NDUFS7: variants seen among roughly 807,000 people sequenced by gnomAD.
NDUFS7 encodes NADH dehydrogenase [ubiquinone] iron-sulfur protein 7, mitochondrial.
In NDUFS7, 11 loss-of-function variants were observed where a neutral mutation model predicts 31.1. The observed-to-expected ratio is 0.35, with a 90% CI of 0.22 to 0.59. The LOEUF (loss-of-function observed/expected upper bound fraction) is 0.59, where lower values mean the gene tolerates loss of function less well. Ranked by LOEUF, NDUFS7 falls within the 20% of genes least tolerant of loss-of-function variation. The pLI, the probability that NDUFS7 is intolerant of heterozygous loss-of-function variation, is 0.79. For missense variants in NDUFS7, 263 were observed against 324.2 expected, an observed-to-expected ratio of 0.81 and a Z score of 1.45; for synonymous variants, 136 against 127.9, an observed-to-expected ratio of 1.06 and a Z score of -0.43.
At position 1,388,853 on chromosome 19, in the gene NDUFS7, A is replaced by G. The variant is rs1265559209; in HGVS notation, c.143A>G (p.Lys48Arg). The G allele has an allele frequency of 6.2e-7, 1 of 1,604,358 alleles. No individual in the cohort carries two copies. The highest frequency in any genetic ancestry group is 8.5e-7 in the Non-Finnish European group (1 of 1,175,978). ...GCCAGCACCCAGCCTGCCCTGCCAA[A>G]GGCCAGAGCCGTGGCTCCCAAACCC... ...GPSSTQPALP[K>R]ARAVAPKPSS... The change falls in exon 4 of 8, where the codon AAG (lysine) becomes AGG (arginine). Residue 48 changes from lysine (K) to arginine (R), a missense_variant. Transcript: ENST00000233627.
rs559689595 is a variant in NDUFS7 at position 1,391,282 on chromosome 19, C to T, written c.455+117C>T. 1.4e-4 allele frequency: 180 copies of T among 1,313,160 alleles called. 1 individual carries two copies. In the South Asian group the frequency reaches 1.8e-3, roughly 13 times the overall value. 81.3% of individuals were successfully genotyped at this position (1,313,160 alleles called of 1,614,324 possible). ...CATTCAGTGAAATCCCACGTGGTCC[C>T]GGCGCTGCCCTTCAGCCGTCTCGGT... On this transcript the variant is annotated intron_variant, in intron 6 of 7. Transcript: ENST00000233627.
chr19:1,387,910 G>T, intron 2 of NDUFS7, 63 bp downstream of exon 2: 2 of 440,138 alleles, frequency 4.5e-6, no homozygotes, highest in East Asian at 6.2e-5. Context: ...GACGAACGGG[G>T]CGGGGGGGGT....
chr19:1,388,450 G>A, intron 2 of NDUFS7, 75 bp from the exon 3 acceptor site: 1 of 1,367,734 alleles, frequency 7.3e-7, no homozygotes, highest in African/African-American at 1.4e-5. Context: ...GGGAGAGGCA[G>A]GACAACAGTG....
At position 1,394,386 on chromosome 19, in the gene NDUFS7, C is replaced by T. The variant is rs112451281; in HGVS notation, c.545-1005C>T. 438 of 1,289,216 alleles carry T rather than the reference C, an allele frequency of 3.4e-4. 2 individuals carry two copies. In the African/African-American group the frequency reaches 5.1e-3, roughly 15 times the overall value. The allele number at this position is 1,289,216 out of a possible 1,614,324, so 79.9% of individuals were successfully genotyped here. A position where few individuals can be genotyped will look rare whatever the true frequency, so the allele number is the denominator to read the frequency against. Reference sequence around the variant, plus strand: ...CAGTGCAGACCAATGGGGCAAGTTGCGAGTGTGGACTGTACTCCTCCCTCC... The same window carrying T: ...CAGTGCAGACCAATGGGGCAAGTTGTGAGTGTGGACTGTACTCCTCCCTCC... On this transcript the variant is annotated intron_variant, in intron 7 of 7. Transcript: ENST00000233627.
chr19:1,390,839 G>T (rs755957922), intron 4 of NDUFS7, 32 bp from the exon 5 acceptor site: 126 of 1,600,986 alleles, frequency 7.9e-5, no homozygotes, highest in Admixed American at 8.4e-5. Context: ...GGGCTCCGGG[G>T]GTGGCGTCTG....
chr19:1,392,265 A>G (rs78825486), intron 6 of NDUFS7: 6,909 of 152,186 alleles, frequency 0.045, 433 homozygotes, highest in East Asian at 0.25. Context: ...CGGTCCCCCA[A>G]CCTTAGCCTC....
At chr19:1,385,920 A>G (rs2082504729) in intron 1 of NDUFS7, among the ~76,000 whole-genome samples, 2 of 152,182 alleles carry the variant, frequency 1.3e-5, no homozygotes, top group African/African-American at 4.8e-5. Context: ...GAGCTCATCC[A>G]AAGTCCTGCA....
At chr19:1,388,230 T>C (rs1457832350) in intron 2 of NDUFS7, 6 of 587,402 alleles carry the variant, frequency 1.0e-5, no homozygotes, top group Non-Finnish European at 1.2e-5. Context: ...TGGTCATGTG[T>C]GGAGGGCCTG....
At position 1,394,006 on chromosome 19, in the gene NDUFS7, G is replaced by A. The variant is rs765545646; in HGVS notation, c.544+676G>A. ...GGCGTTCACCTTGACAGTGGTCCAC[G>A]GTAGGCAGGCTTGGAGGTGGCGCTC... On this transcript the variant is annotated intron_variant, in intron 7 of 7. Coordinates refer to ENST00000233627, the MANE Select transcript of NDUFS7 (RefSeq NM_024407.5). The A allele has an allele frequency of 3.9e-4, 99 of 253,590 alleles. 2 individuals carry two copies. Among genetic ancestry groups the A allele is most frequent in the Non-Finnish European group, 6.2e-4 (80 of 128,182 alleles). The allele number at this position is 253,590 out of a possible 1,614,324, so 15.7% of individuals were successfully genotyped here. A position where few individuals can be genotyped will look rare whatever the true frequency, so the allele number is the denominator to read the frequency against.
chr19:1,388,411 A>C, intron 2 of NDUFS7, 114 bp from the exon 3 acceptor site: 1 of 977,808 alleles, frequency 1.0e-6, no homozygotes. Flanking sequence ...GTTGACAGGC[A>C]GAGGTGAGAA....
At chr19:1,389,480 T>G (rs1320258330) in intron 4 of NDUFS7, 4 of 457,546 alleles carry the variant, frequency 8.7e-6, no homozygotes, top group South Asian at 6.2e-5. Flanking sequence ...TGGTGGCCTG[T>G]GGTTCCATCT....
intron 7 of NDUFS7, chr19:1,395,091 G>A (rs753536546): frequency 1.9e-4 from 248 of 1,307,664 alleles, no homozygotes; most frequent in Non-Finnish European, 2.4e-4. Flanking sequence ...AGTCCTGAGG[G>A]CTGGGGCCGG....
chr19:1,383,967 G>C, intron 1 of NDUFS7, 25 bp downstream of exon 1: 1 of 1,558,706 alleles, frequency 6.4e-7, no homozygotes, highest in Non-Finnish European at 8.7e-7. Context: ...GGCGGCGGGT[G>C]TGGGGCCGCG....
intron 4 of NDUFS7, 36 bp from the exon 5 acceptor site, chr19:1,390,835 C>CG: frequency 6.3e-7 from 1 of 1,598,552 alleles, no homozygotes; most frequent in Non-Finnish European, 8.5e-7. Flanking sequence ...CGCGGGGCTC[C>CG]GGGGGTGGCG....
At chr19:1,386,763 C>G (rs528346649) in intron 1 of NDUFS7, 1 of 152,418 alleles carries the variant, frequency 6.6e-6, no homozygotes, top group Non-Finnish European at 1.5e-5. Context: ...TCCTGAAGTG[C>G]TGGAATTACA....
intron 1 of NDUFS7, among the ~76,000 whole-genome samples, chr19:1,384,710 G>A (rs535523832): frequency 6.6e-6 from 1 of 152,326 alleles, no homozygotes; most frequent in Non-Finnish European, 1.5e-5. Context: ...ATACGGAAAC[G>A]TCTGCAGCCC....
chr19:1,389,385 A>T (rs1431938064), intron 4 of NDUFS7: 2 of 462,492 alleles, frequency 4.3e-6, no homozygotes, highest in Admixed American at 4.7e-5. Context: ...GTTGGCATGC[A>T]TGCACACAGG....
At chr19:1,394,772 C>G (rs2082584435) in intron 7 of NDUFS7, 12 of 1,184,596 alleles carry the variant, frequency 1.0e-5, no homozygotes, top group Non-Finnish European at 1.3e-5. Flanking sequence ...CCGCCCTTTC[C>G]CAGGCCCTGC....
rs1030325787 is a variant in NDUFS7, at chr19:1,393,547, G to A, written c.544+217G>A. 3.0e-6 allele frequency: 2 copies of A among 661,910 alleles called. No individual in the cohort carries two copies. Among genetic ancestry groups the A allele is most frequent in the African/African-American group, 3.6e-5 (2 of 56,090 alleles). The allele number at this position is 661,910 out of a possible 1,614,324, so 41.0% of individuals were successfully genotyped here. On this transcript the variant is annotated intron_variant, in intron 7 of 7. Transcript: ENST00000233627. The surrounding 1 kb of genome is among the most constrained non-coding windows in gnomAD (Gnocchi z 7.3). The stretch of plus-strand genomic sequence containing the variant: ...GCATCAGAGGGATCAGAGGGAGCAG[G>A]GGAAGCTGAGTGGAATTCCTGACAC...
Sources: allele counts gnomAD v4.1 joint callset (sites outside exome capture counted in the v4.1 genomes callset), GRCh38; gene constraint gnomAD v4.1.1; non-coding constraint Gnocchi (gnomAD v3.1); transcripts MANE v1.5; gene names NCBI Gene and HGNC (gene_info 2026-07-23, HGNC 2026-07-21).